MTARC1: variants seen among roughly 807,000 people sequenced by gnomAD.
MTARC1 encodes the protein mitochondrial amidoxime reducing component 1.
Under a neutral mutation model 33.6 loss-of-function variants are expected in MTARC1, and 24 were observed. The observed-to-expected ratio is 0.72, with a 90% CI of 0.52 to 1.01. The LOEUF (loss-of-function observed/expected upper bound fraction) is 1.01, where lower values mean the gene tolerates loss of function less well. MTARC1 is among the 50% of genes least tolerant of loss of function. The pLI, the probability that MTARC1 is intolerant of heterozygous loss-of-function variation, is 0.00. For synonymous variants in MTARC1, 187 were observed against 189.5 expected, an observed-to-expected ratio of 0.99 and a Z score of 0.11; for missense variants, 417 against 445.7, an observed-to-expected ratio of 0.94 and a Z score of 0.58.
At chr1:220,801,828 G>A (rs1417050473) in intron 4 of MTARC1, among the ~76,000 whole-genome samples, 1 of 152,140 alleles carries the variant, frequency 6.6e-6, no homozygotes, top group Non-Finnish European at 1.5e-5. Flanking sequence ...CTGCATGGAA[G>A]TTTCTGGAAA....
At chr1:220,801,676 G>C (rs1672811419) in intron 4 of MTARC1, among the ~76,000 whole-genome samples, 1 of 152,088 alleles carries the variant, frequency 6.6e-6, no homozygotes, top group South Asian at 2.1e-4. Context: ...GGGGAGTCTG[G>C]GAAGAATTTT....
intron 4 of MTARC1, among the ~76,000 whole-genome samples, chr1:220,803,290 G>A (rs1434245956): frequency 6.6e-6 from 1 of 152,040 alleles, no homozygotes; most frequent in Non-Finnish European, 1.5e-5. Context: ...AAAAGCATGG[G>A]AAAGACCCGC....
chr1:220,787,070 C>T lies in MTARC1; in HGVS notation c.126C>T (p.Arg42=), dbSNP rs1672255777. 6.8e-7 allele frequency: 1 copy of T among 1,473,634 alleles called. No individual in the cohort carries two copies. The highest frequency in any genetic ancestry group is 1.3e-5 in the South Asian group (1 of 75,026). 91.3% of individuals were successfully genotyped at this position (1,473,634 alleles called of 1,614,324 possible). The change falls in exon 1 of 7, where the codon CGC becomes CGT. Residue 42 remains arginine, a synonymous_variant. Transcript: ENST00000366910. The part of the protein sequence containing the change: ...AVALGAVAWR[R]AWPTRRRRLL... ...CGCTGGGGGCTGTCGCCTGGCGCCG[C>T]GCATGGCCCACGCGGCGCCGGCGGC...
At chr1:220,791,716 T>C in intron 2 of MTARC1, 52 bp downstream of exon 2, 1 of 1,585,880 alleles carries the variant, frequency 6.3e-7, no homozygotes, top group Admixed American at 1.7e-5. Context: ...TCATGCAATT[T>C]TGAGAAAGCA....
chr1:220,812,728 ATT>A (rs34042064), intron 6 of MTARC1, among the ~76,000 whole-genome samples: 5 of 147,496 alleles, frequency 3.4e-5, no homozygotes, highest in South Asian at 4.3e-4. Flanking sequence ...TGAGTATCTA[ATT>A]TTTTTTTTTT....
intron 2 of MTARC1, among the ~76,000 whole-genome samples, chr1:220,795,672 T>C (rs908131949): frequency 1.3e-5 from 2 of 152,208 alleles, no homozygotes; most frequent in African/African-American, 2.4e-5. Context: ...TATACAAACT[T>C]TATATGGCTA....
rs72472310 is a variant in MTARC1 at position 220,800,829 on chromosome 1, C to T, written c.753+2815C>T. On this transcript the variant is annotated intron_variant, in intron 4 of 6. Transcript: ENST00000366910. ...GGCTCAGGCCCCAAACTGCGAACCA[C>T]CCCTTGTTCTTCTCTTTCTCTCACA... 7.5e-3 allele frequency among the ~76,000 whole-genome samples: 1,137 copies of T among 152,208 alleles called. 6 individuals carry two copies. Among genetic ancestry groups the T allele is most frequent in the Non-Finnish European group, 0.011 (741 of 68,014 alleles).
At chr1:220,795,294 G>T (rs1204501724) in intron 2 of MTARC1, among the ~76,000 whole-genome samples, 1 of 152,092 alleles carries the variant, frequency 6.6e-6, no homozygotes, top group Non-Finnish European at 1.5e-5. Context: ...TATTGATGAA[G>T]AAACTGAGTC....
Position 220,819,381 on chromosome 1 carries a change from G to A in MTARC1, c.*5963G>A, listed in dbSNP as rs1673342292. The A allele has an allele frequency of 6.6e-6, 1 of 152,132 alleles. No individual in the cohort carries two copies. Among genetic ancestry groups the A allele is most frequent in the Non-Finnish European group, 1.5e-5 (1 of 68,024 alleles). 9.4% of individuals were successfully genotyped at this position (152,132 alleles called of 1,614,324 possible). On this transcript the variant is annotated 3_prime_UTR_variant, in exon 7 of 7. Transcript: ENST00000366910. ...GATAAATGCAAGTCTATATTTTAAG[G>A]CAGTCGAAGTCCTAGAGAATATATC...
chr1:220,796,210 G>A (rs2102592871), intron 2 of MTARC1, among the ~76,000 whole-genome samples: 1 of 152,142 alleles, frequency 6.6e-6, no homozygotes, highest in South Asian at 2.1e-4. Context: ...TATTGTTGCT[G>A]TACTATACTG....
At chr1:220,804,516 C>T (rs1558091224) in intron 4 of MTARC1, among the ~76,000 whole-genome samples, 1 of 152,100 alleles carries the variant, frequency 6.6e-6, no homozygotes, top group Non-Finnish European at 1.5e-5. Context: ...TGCAGTGCTT[C>T]GTAAATACTT....
chr1:220,812,477 C>T (rs989067900), intron 6 of MTARC1, among the ~76,000 whole-genome samples: 8 of 152,180 alleles, frequency 5.3e-5, no homozygotes, highest in Non-Finnish European at 4.4e-5. Flanking sequence ...TCTGAGCATG[C>T]TGGAAGCAAG....
At chr1:220,798,211 C>A (rs769508893) in intron 4 of MTARC1, 197 bp downstream of exon 4, 1 of 1,507,480 alleles carries the variant, frequency 6.6e-7, no homozygotes, top group South Asian at 1.2e-5. Context: ...GTTGATGGGT[C>A]AGAGACTGTC....
At chr1:220,809,832 A>G (rs1393172665) in intron 6 of MTARC1, among the ~76,000 whole-genome samples, 1 of 152,220 alleles carries the variant, frequency 6.6e-6, no homozygotes, top group African/African-American at 2.4e-5. Flanking sequence ...GGCAGTCATG[A>G]GGCCTCAGGA....
chr1:220,811,867 G>A (rs1158667705), intron 6 of MTARC1, among the ~76,000 whole-genome samples: 1 of 152,200 alleles, frequency 6.6e-6, no homozygotes, highest in Non-Finnish European at 1.5e-5. Context: ...AAACAATGGT[G>A]GGTCACAGGT....
intron 4 of MTARC1, among the ~76,000 whole-genome samples, chr1:220,803,759 A>G (rs1031032657): frequency 2.0e-5 from 3 of 151,988 alleles, no homozygotes; most frequent in Admixed American, 2.0e-4. Flanking sequence ...TTAATTTCCT[A>G]AGTGGAACCC....
chr1:220,816,816 T>C lies in MTARC1; in HGVS notation c.*3398T>C, dbSNP rs552017878. 4.6e-5 allele frequency: 7 copies of C among 152,392 alleles called. No homozygotes were observed. Among genetic ancestry groups the C allele is most frequent in the African/African-American group, 1.7e-4 (7 of 41,568 alleles). 9.4% of individuals were successfully genotyped at this position (152,392 alleles called of 1,614,324 possible). ...GTAAAAGGATGGAACTGGGACTTGA[T>C]AGGTTAAAGGAGGTGTGGAGAAGTG... On this transcript the variant is annotated 3_prime_UTR_variant, in exon 7 of 7. Transcript: ENST00000366910.
chr1:220,804,742 C>T (rs1194397085), intron 4 of MTARC1, among the ~76,000 whole-genome samples: 1 of 149,788 alleles, frequency 6.7e-6, no homozygotes, highest in Non-Finnish European at 1.5e-5. Context: ...GTGCACCCCA[C>T]CCCCCACCAC....
chr1:220,802,770 C>T (rs1173011833), intron 4 of MTARC1, among the ~76,000 whole-genome samples: 2 of 152,198 alleles, frequency 1.3e-5, no homozygotes, highest in African/African-American at 4.8e-5. Context: ...GTCGGCTCCC[C>T]TTTCTATCCT....
Sources: gnomAD v4.1 joint callset for allele counts (sites outside exome capture counted in the v4.1 genomes callset) on GRCh38, gnomAD v4.1.1 for gene constraint, MANE v1.5 for transcripts, NCBI Gene and HGNC (gene_info 2026-07-23, HGNC 2026-07-21) for gene names.